Variants in PCDH15 observed in about 807,000 individuals in gnomAD.
PCDH15 encodes protocadherin-15.
PCDH15 carries 129 observed loss-of-function variants against 178.5 expected under a neutral mutation model. The observed-to-expected ratio is 0.72, with a 90% CI of 0.63 to 0.84. PCDH15 has a LOEUF of 0.84. Among genes scored for constraint, PCDH15 ranks in the 40% least tolerant of loss-of-function variants. The probability of loss-of-function intolerance (pLI) is 0.00; values close to 1 mark genes in which losing one functional copy is unlikely to be tolerated. For synonymous variants in PCDH15, 800 were observed against 732.0 expected, an observed-to-expected ratio of 1.09 and a Z score of -1.50; for missense variants, 2,230 against 2,099.9, an observed-to-expected ratio of 1.06 and a Z score of -1.21.
chr10:54,265,603 C>T (rs2057622027), intron 8 of PCDH15, among the ~76,000 whole-genome samples: 1 of 151,356 alleles, frequency 6.6e-6, no homozygotes, highest in African/African-American at 2.4e-5. Flanking sequence ...AAATGGAAAA[C>T]AAAAAAGAGC....
rs1183301607 is a variant in PCDH15 at position 54,242,155 on chromosome 10, T to C, written c.877-5224A>G. On this transcript the variant is annotated intron_variant, in intron 8 of 37. Coordinates refer to ENST00000644397, the MANE Select transcript of PCDH15 (RefSeq NM_001384140.1). ...TTATATATATATATATATATATATA[T>C]ATATATATATATATATATATATATA... is the stretch of plus-strand genomic sequence containing the variant. Among the ~76,000 whole-genome samples, 190 of 93,714 alleles carry C rather than the reference T, an allele frequency of 2.0e-3. 6 individuals carry two copies. The highest frequency in any genetic ancestry group is 8.3e-3 in the African/African-American group (173 of 20,750). The allele number at this position is 93,714 out of a possible 152,430, so 61.5% of individuals were successfully genotyped here.
intron 2 of PCDH15, among the ~76,000 whole-genome samples, chr10:55,077,233 A>T (rs948469253): frequency 5.9e-5 from 9 of 152,100 alleles, no homozygotes; most frequent in African/African-American, 2.2e-4. Context: ...CATTCAGCTC[A>T]TCTATAACTT....
chr10:55,351,504 T>C (rs1844933031), intron 2 of PCDH15, among the ~76,000 whole-genome samples: 2 of 152,106 alleles, frequency 1.3e-5, no homozygotes. Flanking sequence ...AAATAAGCCT[T>C]CTCTAGGGAT....
At chr10:55,089,339 A>G (rs1842257780) in intron 2 of PCDH15, among the ~76,000 whole-genome samples, 1 of 152,174 alleles carries the variant, frequency 6.6e-6, no homozygotes, top group Non-Finnish European at 1.5e-5. Flanking sequence ...GCAATAGTTA[A>G]TAAGAAGTTG....
intron 7 of PCDH15, among the ~76,000 whole-genome samples, chr10:54,327,663 G>A (rs965265): frequency 0.7 from 106,426 of 151,506 alleles, 38,089 homozygotes; most frequent in Middle Eastern, 0.81. Context: ...CAAGTTTGTG[G>A]CACATTTTTT....
At chr10:54,809,400 T>C (rs1011351701) in intron 3 of PCDH15, among the ~76,000 whole-genome samples, 7 of 152,116 alleles carry the variant, frequency 4.6e-5, no homozygotes, top group Non-Finnish European at 8.8e-5. Context: ...AAAAAAGACA[T>C]TCCGGCAAAA....
chr10:55,425,901 G>T (rs1180447245), intron 2 of PCDH15, among the ~76,000 whole-genome samples: 2 of 152,004 alleles, frequency 1.3e-5, no homozygotes, highest in African/African-American at 4.8e-5. Context: ...ATTGTAAAAC[G>T]TTTCTATATT....
intron 3 of PCDH15, among the ~76,000 whole-genome samples, chr10:54,891,019 A>G (rs1240813005): frequency 6.6e-6 from 1 of 152,098 alleles, no homozygotes; most frequent in African/African-American, 2.4e-5. Flanking sequence ...GAGAAAAATA[A>G]TATCAGAAAA....
chr10:54,512,478 G>A (rs897636368), intron 3 of PCDH15, among the ~76,000 whole-genome samples: 17 of 149,762 alleles, frequency 1.1e-4, no homozygotes, highest in Admixed American at 6.7e-4. Flanking sequence ...TACAAAAATG[G>A]CATTACATTT....
intron 1 of PCDH15, among the ~76,000 whole-genome samples, chr10:54,787,500 T>A (rs1484742184): frequency 6.6e-6 from 1 of 152,006 alleles, no homozygotes; most frequent in African/African-American, 2.4e-5. Context: ...CTGCAATGTT[T>A]CTCACTTCAG....
At chr10:54,176,340 C>G (rs2047441211) in intron 13 of PCDH15, among the ~76,000 whole-genome samples, 1 of 152,108 alleles carries the variant, frequency 6.6e-6, no homozygotes, top group Non-Finnish European at 1.5e-5. Flanking sequence ...CAGTTGATAG[C>G]TGGTACGTGG....
chr10:55,507,549 T>A (rs1268640523), intron 2 of PCDH15, among the ~76,000 whole-genome samples: 1 of 151,642 alleles, frequency 6.6e-6, no homozygotes, highest in Non-Finnish European at 1.5e-5. Context: ...CTTTTCTTTT[T>A]AATTTTTTAA....
chr10:54,013,042 C>T (rs1447204432), intron 20 of PCDH15, among the ~76,000 whole-genome samples: 2 of 151,792 alleles, frequency 1.3e-5, no homozygotes, highest in South Asian at 2.1e-4. Flanking sequence ...CATCCATAGG[C>T]CCAAAGTAAA....
chr10:55,433,143 G>A (rs1275870597), intron 2 of PCDH15, among the ~76,000 whole-genome samples: 1 of 152,064 alleles, frequency 6.6e-6, no homozygotes, highest in African/African-American at 2.4e-5. Context: ...AAAGACACAT[G>A]CATACATATA....
At position 54,267,454 on chromosome 10, in the gene PCDH15, C is replaced by T. The variant is rs1461043082; in HGVS notation, c.877-30523G>A. Among the ~76,000 whole-genome samples, 3 of 151,828 alleles carry T rather than the reference C, an allele frequency of 2.0e-5. No homozygotes were observed. The East Asian group carries it at 5.8e-4, about 29-fold the overall frequency. On this transcript the variant is annotated intron_variant, in intron 8 of 37. Transcript: ENST00000644397. Reference sequence around the variant, plus strand: ...TCGACCAACAGCAAGAAATAATAGACATCCAAATAGGAAAAGAGGAAGTTA... The same window carrying T: ...TCGACCAACAGCAAGAAATAATAGATATCCAAATAGGAAAAGAGGAAGTTA...
At chr10:55,238,697 T>A (rs1255007344) in intron 1 of PCDH15, among the ~76,000 whole-genome samples, 1 of 152,162 alleles carries the variant, frequency 6.6e-6, no homozygotes, top group East Asian at 1.9e-4. Flanking sequence ...AGTTCTTGAA[T>A]CACTTTTTTC....
At chr10:55,236,712 T>G (rs1185700240) in intron 1 of PCDH15, among the ~76,000 whole-genome samples, 1 of 151,988 alleles carries the variant, frequency 6.6e-6, no homozygotes. Context: ...TACCTAGCTT[T>G]TATATGAATC....
intron 1 of PCDH15, among the ~76,000 whole-genome samples, chr10:55,264,685 G>C (rs1007614750): frequency 1.3e-5 from 2 of 152,146 alleles, no homozygotes; most frequent in Non-Finnish European, 2.9e-5. Context: ...TCCGGAGTGT[G>C]TCCTGAACCA....
At chr10:54,195,912 A>T (rs751874777) in intron 10 of PCDH15, 23 bp from the exon 11 acceptor site, 1 of 1,597,094 alleles carries the variant, frequency 6.3e-7, no homozygotes, top group Non-Finnish European at 8.6e-7. Flanking sequence ...AGAAAAGAAA[A>T]TATTTAGAAA....
Sources: gnomAD v4.1 joint callset for allele counts (sites outside exome capture counted in the v4.1 genomes callset) on GRCh38, gnomAD v4.1.1 for gene constraint, MANE v1.5 for transcripts, NCBI Gene and HGNC (gene_info 2026-07-23, HGNC 2026-07-21) for gene names.